The following ZNF362 variants were observed in gnomAD, a reference collection of about 807,000 sequenced individuals.
ZNF362 encodes rotund homolog.
In ZNF362, 11 loss-of-function variants were observed where a neutral mutation model predicts 42.9. That is an observed-to-expected ratio of 0.26 (90% CI 0.16 to 0.42). ZNF362 has a LOEUF of 0.42. ZNF362 is among the 20% of genes least tolerant of loss of function. The pLI is 1.00. For synonymous variants in ZNF362, 255 were observed against 257.3 expected, an observed-to-expected ratio of 0.99 and a Z score of 0.09; for missense variants, 362 against 576.2, an observed-to-expected ratio of 0.63 and a Z score of 3.81.
chr1:33,189,691 A>ATATATATATG, the ZNF362 span, among the ~76,000 whole-genome samples: 1 of 34,030 alleles, frequency 2.9e-5, no homozygotes, highest in Non-Finnish European at 6.1e-5. Flanking sequence ...ATACGTATAT[A>ATATATATATG]TATATACACA....
Position 33,300,176 on chromosome 1 carries a change from C to T in ZNF362, c.*1130C>T, listed in dbSNP as rs1436832053. The T allele has an allele frequency of 6.6e-6, 1 of 152,632 alleles. No homozygotes were observed. The highest frequency in any genetic ancestry group is 1.5e-5 in the Non-Finnish European group (1 of 68,102). The allele number at this position is 152,632 out of a possible 1,614,324, so 9.5% of individuals were successfully genotyped here. A position where few individuals can be genotyped will look rare whatever the true frequency, so the allele number is the denominator to read the frequency against. Reference sequence around the variant, plus strand: ...GAAAAAAAAGAAAACTAGACAGAAACTCATCTATATATTCTGTATCTGGAG... The same window carrying T: ...GAAAAAAAAGAAAACTAGACAGAAATTCATCTATATATTCTGTATCTGGAG... On this transcript the variant is annotated 3_prime_UTR_variant, in exon 9 of 9. Coordinates refer to ENST00000539719, the MANE Select transcript of ZNF362 (RefSeq NM_152493.3).
rs753293473 is a variant in ZNF362 at position 33,276,430 on chromosome 1, C to T, written c.185C>T (p.Ser62Leu). 2.2e-5 allele frequency: 35 copies of T among 1,581,496 alleles called. No homozygotes were observed. The highest frequency in any genetic ancestry group is 5.8e-5 in the South Asian group (5 of 86,812). Residue 62 changes from serine to leucine, a missense_variant, in exon 4 of 9, where the codon TCG (serine) becomes TTG (leucine). Physicochemically the swap from Ser to Leu is moderately radical, Grantham distance 145. This residue lies in a region of ZNF362 where 266 missense variants were observed against 365.4 expected (regional missense o/e 0.73). Transcript: ENST00000539719. ...KIRPPHLPPT[S>L]ASSQQPLLVP... ...AGGCCGCCTCACCTGCCGCCCACGT[C>T]GGCCTCGTCGCAGCAGCCGTTGCTA...
Position 33,280,338 on chromosome 1 carries a change from C to G in ZNF362, c.564C>G (p.Pro188=), listed in dbSNP as rs888619293. 1.9e-6 allele frequency: 3 copies of G among 1,613,976 alleles called. No individual in the cohort carries two copies. Among genetic ancestry groups the G allele is most frequent in the Non-Finnish European group, 2.5e-6 (3 of 1,179,978 alleles). ...TIQGHGLLGP[P]KSERGRKKIK... ...AGGGCCACGGCCTGCTTGGCCCCCC[C>G]AAGTCCGAACGCGGCCGCAAAAAGA... Residue 188 remains proline (P), a synonymous_variant, in exon 5 of 9, where the codon CCC becomes CCG. Transcript: ENST00000539719. The surrounding 1 kb of genome is among the most constrained non-coding windows in gnomAD (Gnocchi z 5.6).
chr1:33,204,617 C>T, the ZNF362 span, among the ~76,000 whole-genome samples: 1 of 152,134 alleles, frequency 6.6e-6, no homozygotes, highest in East Asian at 1.9e-4. Context: ...GGATGTCTTT[C>T]CATTTAGTTG....
chr1:33,233,985 G>A, the ZNF362 span, among the ~76,000 whole-genome samples: 1 of 152,136 alleles, frequency 6.6e-6, no homozygotes, highest in Non-Finnish European at 1.5e-5. Flanking sequence ...TAAACACTTA[G>A]GATGAATGGG....
At chr1:33,224,848 GCA>G in the ZNF362 span, among the ~76,000 whole-genome samples, 1 of 152,082 alleles carries the variant, frequency 6.6e-6, no homozygotes, top group African/African-American at 2.4e-5. Flanking sequence ...CCATATTCAG[GCA>G]CACAGTAGTC....
rs1052858642 is a variant in ZNF362 at position 33,266,458 on chromosome 1, T to G, written c.-88-4029T>G. Reference sequence around the variant, plus strand: ...GCATGGTATTAATACAAAGGTGGGGTAGGGAGAAGGCAGGGGACCATGGGA... The same window carrying G: ...GCATGGTATTAATACAAAGGTGGGGGAGGGAGAAGGCAGGGGACCATGGGA... On this transcript the variant is annotated intron_variant, in intron 1 of 8. Transcript: ENST00000539719. This position sits in a 1 kb window ranked among gnomAD's most constrained non-coding sequence, Gnocchi z 4.3. Among the ~76,000 whole-genome samples the G allele has an allele frequency of 1.3e-5, 2 of 151,802 alleles. No individual in the cohort carries two copies. The highest frequency in any genetic ancestry group is 4.8e-5 in the African/African-American group (2 of 41,266).
At chr1:33,198,178 G>T in the ZNF362 span, among the ~76,000 whole-genome samples, 1 of 152,228 alleles carries the variant, frequency 6.6e-6, no homozygotes, top group East Asian at 1.9e-4. Context: ...AAATTACCAG[G>T]CAAGTGAAAG....
At chr1:33,129,568 A>G in the ZNF362 span, among the ~76,000 whole-genome samples, 49 of 152,260 alleles carry the variant, frequency 3.2e-4, no homozygotes, top group African/African-American at 1.1e-3. This position sits in a 1 kb window ranked among gnomAD's most constrained non-coding sequence, Gnocchi z 4.1. Context: ...CCTCATAAAT[A>G]TATATAGTCT....
the ZNF362 span, chr1:33,145,883 TCC>T: frequency 2.1e-6 from 1 of 470,940 alleles, no homozygotes; most frequent in Admixed American, 2.4e-5. Flanking sequence ...TTTCCCAGAC[TCC>T]CTTGCAGCCA....
the ZNF362 span, among the ~76,000 whole-genome samples, chr1:33,151,438 T>C: frequency 4.0e-5 from 6 of 151,786 alleles, no homozygotes; most frequent in Non-Finnish European, 7.4e-5. Context: ...TAACACAGGG[T>C]CTTGGCTCCT....
chr1:33,186,298 T>C, the ZNF362 span, among the ~76,000 whole-genome samples: 1 of 152,082 alleles, frequency 6.6e-6, no homozygotes, highest in East Asian at 1.9e-4. Flanking sequence ...TTTTTGTTGG[T>C]GATTTTGCTA....
chr1:33,284,133 G>A (rs1646015832), intron 6 of ZNF362, among the ~76,000 whole-genome samples: 1 of 152,164 alleles, frequency 6.6e-6, no homozygotes, highest in Non-Finnish European at 1.5e-5. Context: ...CCCTTTTTTT[G>A]GAGAATCTTC....
At chr1:33,161,271 G>T in the ZNF362 span, among the ~76,000 whole-genome samples, 1 of 152,222 alleles carries the variant, frequency 6.6e-6, no homozygotes, top group Non-Finnish European at 1.5e-5. The surrounding 1 kb of genome is among the most constrained non-coding windows in gnomAD (Gnocchi z 4.3). Flanking sequence ...CAGGATGTCA[G>T]TTGGGGGTCA....
chr1:33,242,400 A>T, the ZNF362 span, among the ~76,000 whole-genome samples: 1 of 152,166 alleles, frequency 6.6e-6, no homozygotes, highest in Non-Finnish European at 1.5e-5. Flanking sequence ...TGCCATGAGA[A>T]GTCACATAGG....
the ZNF362 span, among the ~76,000 whole-genome samples, chr1:33,186,381 T>C: frequency 1.3e-5 from 2 of 152,058 alleles, no homozygotes; most frequent in Non-Finnish European, 2.9e-5. Flanking sequence ...GTGATGTGCC[T>C]TAAGGAGAAA....
At chr1:33,211,641 C>G in the ZNF362 span, among the ~76,000 whole-genome samples, 6 of 151,950 alleles carry the variant, frequency 3.9e-5, no homozygotes, top group African/African-American at 1.5e-4. Context: ...GGGTAACCCG[C>G]CCTTTCTCTC....
At chr1:33,223,757 G>C in the ZNF362 span, among the ~76,000 whole-genome samples, 1 of 152,200 alleles carries the variant, frequency 6.6e-6, no homozygotes, top group East Asian at 1.9e-4. Flanking sequence ...GCTGGACATC[G>C]TGGCATGCAT....
At chr1:33,212,209 C>T in the ZNF362 span, among the ~76,000 whole-genome samples, 2 of 152,142 alleles carry the variant, frequency 1.3e-5, no homozygotes, top group African/African-American at 4.8e-5. Context: ...GTCAAAGCTC[C>T]CTGAGGCCTC....
Sources: allele counts gnomAD v4.1 joint callset (sites outside exome capture counted in the v4.1 genomes callset), GRCh38; gene constraint gnomAD v4.1.1; regional missense constraint gnomAD v4.1.1; non-coding constraint Gnocchi (gnomAD v3.1); transcripts MANE v1.5; gene names NCBI Gene and HGNC (gene_info 2026-07-23, HGNC 2026-07-21).